Variants in CCDC178 observed in about 807,000 individuals in gnomAD.
CCDC178 encodes coiled-coil domain-containing protein 178.
A neutral mutation model predicts 117.4 loss-of-function variants in CCDC178; 126 were observed. The ratio of observed to expected loss-of-function variants is 1.07; its 90% CI spans 0.93 to 1.24. The LOEUF is 1.24. Ranked by LOEUF, CCDC178 falls within the 50% of genes most tolerant of loss-of-function variation. The probability of loss-of-function intolerance (pLI) is 0.00; values close to 1 mark genes in which losing one functional copy is unlikely to be tolerated. For missense variants in CCDC178, 1,030 were observed against 986.9 expected (o/e 1.04, Z -0.59); for synonymous variants, 283 against 313.4 (o/e 0.90, Z 1.02).
intron 20 of CCDC178, among the ~76,000 whole-genome samples, chr18:33,181,594 T>A (rs1216609723): frequency 1.3e-5 from 2 of 151,988 alleles, no homozygotes. Context: ...TTTATATGTA[T>A]TGTTCCCACT....
At chr18:33,316,424 C>G (rs2062418352) in intron 11 of CCDC178, among the ~76,000 whole-genome samples, 2 of 152,100 alleles carry the variant, frequency 1.3e-5, no homozygotes, top group Admixed American at 1.3e-4. Context: ...TGAGGCAGCG[C>G]TCCGGACCTG....
intron 21 of CCDC178, among the ~76,000 whole-genome samples, chr18:32,982,833 A>G (rs1260713968): frequency 6.6e-6 from 1 of 152,170 alleles, no homozygotes; most frequent in African/African-American, 2.4e-5. Context: ...AAATTAGCAG[A>G]GCACACAGGG....
chr18:33,164,707 G>A (rs962009067), intron 20 of CCDC178, among the ~76,000 whole-genome samples: 2 of 151,880 alleles, frequency 1.3e-5, no homozygotes. Context: ...CTTCTAAATT[G>A]GGTATATTGC....
chr18:33,377,244 G>A (rs1282903830), intron 5 of CCDC178, among the ~76,000 whole-genome samples: 3 of 152,168 alleles, frequency 2.0e-5, no homozygotes, highest in Non-Finnish European at 4.4e-5. Context: ...CCATGTGTAT[G>A]TTTTCTTTTG....
At chr18:33,271,336 C>A (rs1001789008) in intron 12 of CCDC178, among the ~76,000 whole-genome samples, 4 of 151,438 alleles carry the variant, frequency 2.6e-5, no homozygotes, top group African/African-American at 7.2e-5. Context: ...CTATCATATA[C>A]GGTTCACAAA....
rs1375399938 is a variant in CCDC178 at position 32,980,541 on chromosome 18, C to A, written c.2389-5860G>T. Among the ~76,000 whole-genome samples the A allele has an allele frequency of 5.5e-5, 8 of 146,318 alleles. No individual in the cohort carries two copies. In the East Asian group the frequency reaches 6.0e-4, roughly 11 times the overall value. On this transcript the variant is annotated intron_variant, in intron 21 of 22. Transcript: ENST00000383096. ...AGCGGAGATCGCGCCACAGCACTCC[C>A]GCCTGGGCGACAGAACGAGACTCCG...
At chr18:33,330,446 C>A (rs534320160) in intron 10 of CCDC178, among the ~76,000 whole-genome samples, 1 of 152,222 alleles carries the variant, frequency 6.6e-6, no homozygotes, top group African/African-American at 2.4e-5. Context: ...ATTTTGACCC[C>A]TGGAATAGTT....
At chr18:33,361,513 A>G (rs1470621006) in intron 6 of CCDC178, among the ~76,000 whole-genome samples, 1 of 151,760 alleles carries the variant, frequency 6.6e-6, no homozygotes. Flanking sequence ...CTAAAAAAAA[A>G]TGAAAAGTCC....
At chr18:33,194,394 T>C (rs898978774) in intron 20 of CCDC178, among the ~76,000 whole-genome samples, 1 of 152,140 alleles carries the variant, frequency 6.6e-6, no homozygotes, top group Non-Finnish European at 1.5e-5. Flanking sequence ...AGTACTGACA[T>C]GTGGTGCCTG....
At chr18:33,047,642 T>G (rs1307529699) in intron 21 of CCDC178, among the ~76,000 whole-genome samples, 2 of 152,170 alleles carry the variant, frequency 1.3e-5, no homozygotes, top group Non-Finnish European at 2.9e-5. Flanking sequence ...CTGATCTTCA[T>G]GTCCCTTTGT....
chr18:33,306,412 T>TTG (rs71159815), intron 11 of CCDC178, among the ~76,000 whole-genome samples: 8,391 of 126,122 alleles, frequency 0.067, 686 homozygotes, highest in African/African-American at 0.14. Context: ...TATTGGATCT[T>TTG]TGTGTGTGTG....
At chr18:33,092,942 T>C (rs756845895) in intron 20 of CCDC178, 32 bp from the exon 21 acceptor site, 2 of 1,310,786 alleles carry the variant, frequency 1.5e-6, no homozygotes, top group South Asian at 1.4e-5. Flanking sequence ...TTGAATTGTG[T>C]GTATATATAT....
intron 21 of CCDC178, among the ~76,000 whole-genome samples, chr18:33,040,125 T>C (rs1302495567): frequency 2.0e-5 from 3 of 151,898 alleles, no homozygotes; most frequent in Non-Finnish European, 4.4e-5. Context: ...AGTGTACACA[T>C]GAAAACTCAA....
At chr18:33,107,775 A>T (rs1361211436) in intron 20 of CCDC178, among the ~76,000 whole-genome samples, 1 of 151,700 alleles carries the variant, frequency 6.6e-6, no homozygotes, top group Non-Finnish European at 1.5e-5. Flanking sequence ...TTGGGTAAAG[A>T]CTTTTAGAGA....
At chr18:33,028,254 A>C (rs751912172) in intron 21 of CCDC178, among the ~76,000 whole-genome samples, 1 of 151,846 alleles carries the variant, frequency 6.6e-6, no homozygotes, top group Non-Finnish European at 1.5e-5. Context: ...GTCAAGACAG[A>C]AGTGAGATAA....
intron 21 of CCDC178, among the ~76,000 whole-genome samples, chr18:33,049,135 A>G (rs971078367): frequency 6.6e-6 from 1 of 152,200 alleles, no homozygotes; most frequent in Non-Finnish European, 1.5e-5. Context: ...TGTAAAGTTT[A>G]TCATGGGATA....
At chr18:33,327,280 T>G (rs2145026292) in intron 10 of CCDC178, among the ~76,000 whole-genome samples, 1 of 152,340 alleles carries the variant, frequency 6.6e-6, no homozygotes, top group East Asian at 1.9e-4. Context: ...TATCAGTACC[T>G]CATTTCTTTT....
At chr18:33,248,661 C>T (rs991842179) in intron 14 of CCDC178, among the ~76,000 whole-genome samples, 4 of 151,780 alleles carry the variant, frequency 2.6e-5, no homozygotes, top group African/African-American at 9.7e-5. Flanking sequence ...TAATTCAGTC[C>T]ATCATTGATG....
intron 12 of CCDC178, among the ~76,000 whole-genome samples, chr18:33,276,108 T>C (rs534875813): frequency 2.0e-5 from 3 of 152,192 alleles, no homozygotes. Flanking sequence ...TCAGACATGA[T>C]GTTAGGCATG....
Sources: gnomAD v4.1 joint callset for allele counts (sites outside exome capture counted in the v4.1 genomes callset) on GRCh38, gnomAD v4.1.1 for gene constraint, MANE v1.5 for transcripts, NCBI Gene and HGNC (gene_info 2026-07-23, HGNC 2026-07-21) for gene names.